Variants in SF3A3 observed in about 807,000 individuals in gnomAD.
The protein encoded by SF3A3 is splicing factor 3a subunit 3.
SF3A3 carries 9 observed loss-of-function variants against 85.8 expected under a neutral mutation model. The ratio of observed to expected loss-of-function variants is 0.10; its 90% confidence interval spans 0.06 to 0.18. The LOEUF (loss-of-function observed/expected upper bound fraction) is 0.18, where lower values mean the gene tolerates loss of function less well. Ranked by LOEUF, SF3A3 falls within the 10% of genes least tolerant of loss-of-function variation. The probability of loss-of-function intolerance (pLI) is 1.00; values close to 1 mark genes in which losing one functional copy is unlikely to be tolerated. For missense variants in SF3A3, 306 were observed against 593.3 expected, an observed-to-expected ratio of 0.52 and a Z score of 5.03; for synonymous variants, 195 against 204.4, an observed-to-expected ratio of 0.95 and a Z score of 0.39.
intron 15 of SF3A3, among the ~76,000 whole-genome samples, chr1:37,962,438 T>C (rs1274781567): frequency 6.7e-6 from 1 of 149,900 alleles, no homozygotes; most frequent in Non-Finnish European, 1.5e-5. Flanking sequence ...ACCCCATCTC[T>C]AATAAAAATG....
intron 16 of SF3A3, among the ~76,000 whole-genome samples, chr1:37,958,571 C>G (rs1247801479): frequency 6.6e-6 from 1 of 152,082 alleles, no homozygotes; most frequent in African/African-American, 2.4e-5. Flanking sequence ...GATGGGGAAC[C>G]CTGGTTGAGA....
In SF3A3 at chr1:37,984,342, CTA is replaced by C. The variant is rs879220005; in HGVS notation, c.377-84_377-83del. 2.0e-5 allele frequency: 16 copies of C among 796,628 alleles called. No homozygotes were observed. The South Asian group carries it at 2.1e-4, about 11-fold the overall frequency. 49.3% of individuals were successfully genotyped at this position (796,628 alleles called of 1,614,324 possible). On this transcript the variant is annotated intron_variant, in intron 5 of 16. Transcript: ENST00000373019. ...ACCTTTTCAAATGGACTGTGTGTTC[CTA>C]GTTTCCTGAGGCAGCACTTCACCCA...
intron 7 of SF3A3, among the ~76,000 whole-genome samples, chr1:37,981,322 A>T (rs1333219715): frequency 6.6e-6 from 1 of 152,224 alleles, no homozygotes; most frequent in Non-Finnish European, 1.5e-5. Flanking sequence ...GGGGAAGGGT[A>T]TAAAATCACT....
Position 37,962,401 on chromosome 1 carries a change from C to T in SF3A3, c.1373-2226G>A, listed in dbSNP as rs188573034. Among the ~76,000 whole-genome samples, 1,373 of 145,828 alleles carry T rather than the reference C, an allele frequency of 9.4e-3. 15 individuals are homozygous for T. Among genetic ancestry groups the T allele is most frequent in the Non-Finnish European group, 0.016 (1,091 of 66,970 alleles). On this transcript the variant is annotated intron_variant, in intron 15 of 16. Coordinates refer to ENST00000373019, the MANE Select transcript of SF3A3 (RefSeq NM_006802.4). ...GGCAGATCACCTGAGGTTGGGAGTT[C>T]GAGACCAACCTGACCAACATGGAGA...
intron 2 of SF3A3, 84 bp downstream of exon 2, chr1:37,989,464 C>T: frequency 6.8e-7 from 1 of 1,466,066 alleles, no homozygotes. Context: ...TGGCCAGGGA[C>T]TCATGCTGAG....
chr1:37,969,808 G>A, intron 12 of SF3A3, 73 bp from the exon 13 acceptor site: 1 of 1,538,162 alleles, frequency 6.5e-7, no homozygotes, highest in Non-Finnish European at 8.9e-7. Context: ...CTGTTTTCCT[G>A]TAACTTTTGC....
At chr1:37,978,960 T>C (rs780682062) in intron 10 of SF3A3, 28 bp downstream of exon 10, 39 of 1,599,118 alleles carry the variant, frequency 2.4e-5, no homozygotes, top group Non-Finnish European at 2.7e-5. Context: ...AGTAAATCGA[T>C]AGTTTTGATA....
At chr1:37,972,370 T>C (rs1646350246) in intron 12 of SF3A3, among the ~76,000 whole-genome samples, 1 of 152,120 alleles carries the variant, frequency 6.6e-6, no homozygotes, top group Non-Finnish European at 1.5e-5. Context: ...CACAAAGAAA[T>C]GGAAGAACAT....
intron 12 of SF3A3, among the ~76,000 whole-genome samples, chr1:37,971,868 G>A (rs1646347071): frequency 1.3e-5 from 2 of 152,082 alleles, no homozygotes; most frequent in South Asian, 4.1e-4. Flanking sequence ...AAAATAATAA[G>A]AGCCATTTAT....
intron 4 of SF3A3, among the ~76,000 whole-genome samples, chr1:37,985,080 T>C (rs1332988973): frequency 6.6e-6 from 1 of 152,216 alleles, no homozygotes; most frequent in African/African-American, 2.4e-5. Context: ...AGTGCTGGGA[T>C]TACAGGCATG....
chr1:37,964,282 G>A (rs1163498387), intron 15 of SF3A3, among the ~76,000 whole-genome samples: 1 of 152,108 alleles, frequency 6.6e-6, no homozygotes, highest in Non-Finnish European at 1.5e-5. Flanking sequence ...CGTGATAAGT[G>A]TGATTTCAAA....
chr1:37,969,321 A>C (rs758958348), intron 14 of SF3A3, 33 bp downstream of exon 14: 63 of 1,502,040 alleles, frequency 4.2e-5, no homozygotes, highest in Non-Finnish European at 5.8e-5. Context: ...TTTTTACTTC[A>C]ATTCCCAGGA....
At chr1:37,964,547 G>A (rs570062132) in intron 15 of SF3A3, among the ~76,000 whole-genome samples, 37 of 152,218 alleles carry the variant, frequency 2.4e-4, no homozygotes, top group African/African-American at 7.7e-4. Context: ...GGTGGAGATT[G>A]CAGTGAGCTG....
intron 11 of SF3A3, among the ~76,000 whole-genome samples, chr1:37,977,523 G>A (rs1646386751): frequency 6.6e-6 from 1 of 152,090 alleles, no homozygotes; most frequent in Non-Finnish European, 1.5e-5. Context: ...CCAACATGGT[G>A]AAACCCTCTC....
At chr1:37,986,185 T>C (rs1406206187) in intron 4 of SF3A3, among the ~76,000 whole-genome samples, 4 of 152,112 alleles carry the variant, frequency 2.6e-5, no homozygotes, top group Non-Finnish European at 4.4e-5. Flanking sequence ...TGACCTCAGA[T>C]GATCGACCCG....
chr1:37,977,795 C>T (rs375622998), intron 11 of SF3A3, among the ~76,000 whole-genome samples: 3 of 151,742 alleles, frequency 2.0e-5, no homozygotes, highest in African/African-American at 4.8e-5. Flanking sequence ...GCCGAGATTG[C>T]GCCACTGCAC....
chr1:37,981,697 C>G, intron 7 of SF3A3, 32 bp downstream of exon 7: 1 of 1,287,094 alleles, frequency 7.8e-7, no homozygotes, highest in African/African-American at 1.5e-5. Context: ...CTAATCAAAT[C>G]CAGGAGAGGC....
intron 15 of SF3A3, 74 bp downstream of exon 15, chr1:37,967,970 G>A (rs1017782271): frequency 1.3e-5 from 11 of 841,528 alleles, no homozygotes; most frequent in Non-Finnish European, 2.3e-5. Flanking sequence ...GGATACACAG[G>A]GTATTAGGAT....
chr1:37,967,971 G>T (rs1357791093), intron 15 of SF3A3, 73 bp downstream of exon 15: 8 of 856,466 alleles, frequency 9.3e-6, no homozygotes, highest in Non-Finnish European at 1.6e-5. Context: ...GATACACAGG[G>T]TATTAGGATG....
Sources: allele counts gnomAD v4.1 joint callset (sites outside exome capture counted in the v4.1 genomes callset), GRCh38; gene constraint gnomAD v4.1.1; transcripts MANE v1.5; gene names NCBI Gene and HGNC (gene_info 2026-07-23, HGNC 2026-07-21).